Variants in KDM4D observed in about 807,000 individuals in gnomAD.
The protein encoded by KDM4D is lysine-specific demethylase 4D.
For synonymous variants in KDM4D, 254 were observed against 249.1 expected (o/e 1.02, Z -0.19); for missense variants, 427 against 674.8 (o/e 0.63, Z 4.07).
chr11:94,995,569 C>G (rs1369858983), intron 2 of KDM4D, among the ~76,000 whole-genome samples: 1 of 152,066 alleles, frequency 6.6e-6, no homozygotes, highest in Non-Finnish European at 1.5e-5. Context: ...AGGGGAGAAA[C>G]AGTTTGAAGT....
At chr11:94,975,932 T>C (rs1398010101) in intron 2 of KDM4D, among the ~76,000 whole-genome samples, 184 bp downstream of exon 2, 2 of 152,218 alleles carry the variant, frequency 1.3e-5, no homozygotes, top group Non-Finnish European at 2.9e-5. Flanking sequence ...ACCTAATCTT[T>C]TGGTTGCCAG....
chr11:94,997,957 C>T lies in KDM4D; in HGVS notation c.585C>T (p.Asp195=), dbSNP rs1555099455. 1.2e-6 allele frequency: 2 copies of T among 1,614,216 alleles called. No individual in the cohort carries two copies. The highest frequency in any genetic ancestry group is 1.7e-6 in the Non-Finnish European group (2 of 1,180,038). The change falls in exon 3 of 3, where the codon GAC becomes GAT. Residue 195 remains aspartate (D), a synonymous_variant. Transcript: ENST00000335080. ...CCACGTTTGCTTGGCATACAGAGGA[C>T]ATGGACCTTTACAGCATCAACTACC... ...WKTTFAWHTE[D]MDLYSINYLH...
chr11:94,989,128 A>C (rs1857912580), intron 2 of KDM4D, among the ~76,000 whole-genome samples: 1 of 152,220 alleles, frequency 6.6e-6, no homozygotes, highest in Non-Finnish European at 1.5e-5. Flanking sequence ...AGAATGAGAC[A>C]GTTATTAACT....
chr11:94,987,483 T>G (rs1480342109), intron 2 of KDM4D, among the ~76,000 whole-genome samples: 2 of 152,182 alleles, frequency 1.3e-5, no homozygotes, highest in Non-Finnish European at 2.9e-5. Context: ...GTAGAGTCTT[T>G]TCATTATAGT....
At chr11:94,976,434 G>A (rs1555096995) in intron 2 of KDM4D, among the ~76,000 whole-genome samples, 1 of 151,928 alleles carries the variant, frequency 6.6e-6, no homozygotes, top group Admixed American at 6.6e-5. Flanking sequence ...CAGATCTATC[G>A]AGCTGCCTTT....
chr11:94,986,652 T>C (rs977579206), intron 2 of KDM4D, among the ~76,000 whole-genome samples: 1 of 152,280 alleles, frequency 6.6e-6, no homozygotes, highest in Non-Finnish European at 1.5e-5. Context: ...CTAGAATTGC[T>C]GTAATGAAAA....
intron 2 of KDM4D, among the ~76,000 whole-genome samples, chr11:94,982,230 A>C (rs1555097652): frequency 2.0e-5 from 3 of 151,918 alleles, no homozygotes; most frequent in African/African-American, 4.8e-5. Flanking sequence ...GGCCACAGTT[A>C]TGGTTAATTT....
chr11:94,990,652 C>CCAGT (rs1857927286), intron 2 of KDM4D, among the ~76,000 whole-genome samples: 1 of 152,120 alleles, frequency 6.6e-6, no homozygotes, highest in Non-Finnish European at 1.5e-5. Context: ...CAGGTAGTGG[C>CCAGT]CAGTTTTGGA....
At chr11:94,981,465 C>T (rs1857842425) in intron 2 of KDM4D, among the ~76,000 whole-genome samples, 1 of 151,932 alleles carries the variant, frequency 6.6e-6, no homozygotes, top group African/African-American at 2.4e-5. Flanking sequence ...GTGTAGCCAT[C>T]TGGGCCTCGA....
intron 2 of KDM4D, among the ~76,000 whole-genome samples, chr11:94,989,950 G>A (rs1436375775): frequency 6.6e-6 from 1 of 151,776 alleles, no homozygotes; most frequent in African/African-American, 2.4e-5. Context: ...GTAGAGACAG[G>A]GTTTCACCAT....
chr11:94,991,376 A>AT (rs1857933248), intron 2 of KDM4D, among the ~76,000 whole-genome samples: 1 of 152,242 alleles, frequency 6.6e-6, no homozygotes, highest in Non-Finnish European at 1.5e-5. Flanking sequence ...AGAAAGAAAG[A>AT]TAAAAAGGAC....
chr11:94,985,209 C>T (rs1373845412), intron 2 of KDM4D, among the ~76,000 whole-genome samples: 1 of 152,062 alleles, frequency 6.6e-6, no homozygotes, highest in Admixed American at 6.6e-5. Flanking sequence ...TATAGAAAGT[C>T]CTAGGTAGCT....
At chr11:94,977,812 G>T (rs1857810383) in intron 2 of KDM4D, among the ~76,000 whole-genome samples, 1 of 151,988 alleles carries the variant, frequency 6.6e-6, no homozygotes, top group Non-Finnish European at 1.5e-5. Flanking sequence ...CAGTAATATA[G>T]GTCAAGCATT....
intron 2 of KDM4D, among the ~76,000 whole-genome samples, chr11:94,976,121 A>G (rs993740102): frequency 2.0e-5 from 3 of 152,198 alleles, no homozygotes; most frequent in Non-Finnish European, 2.9e-5. Context: ...AAATCTTGAA[A>G]TTCATCTGAT....
intron 2 of KDM4D, among the ~76,000 whole-genome samples, chr11:94,983,579 T>C (rs1393532991): frequency 2.0e-5 from 3 of 152,076 alleles, no homozygotes; most frequent in Non-Finnish European, 4.4e-5. Flanking sequence ...TTAAAGAACT[T>C]TTAAAAATCA....
chr11:94,994,146 CT>C (rs1857958143), intron 2 of KDM4D, among the ~76,000 whole-genome samples: 1 of 152,096 alleles, frequency 6.6e-6, no homozygotes, highest in Non-Finnish European at 1.5e-5. Context: ...TCATGGAAGA[CT>C]ATCATTGGAT....
In KDM4D at chr11:94,999,106, T is replaced by C. The variant is rs782341161; in HGVS notation, c.*162T>C. The C allele has an allele frequency of 1.2e-4, 69 of 586,828 alleles. No homozygotes were observed. Among genetic ancestry groups the C allele is most frequent in the Non-Finnish European group, 1.6e-4 (61 of 369,776 alleles). The allele number at this position is 586,828 out of a possible 1,614,324, so 36.4% of individuals were successfully genotyped here. Reference sequence around the variant, plus strand: ...TGGATGCTGCCAAGTCCATGGTAGTTTTCAATTTTGCCATACTTTTGTTCT... The same window carrying C: ...TGGATGCTGCCAAGTCCATGGTAGTCTTCAATTTTGCCATACTTTTGTTCT... On this transcript the variant is annotated 3_prime_UTR_variant, in exon 3 of 3. Transcript: ENST00000335080.
At position 94,997,134 on chromosome 11, in the gene KDM4D, C is replaced by CA; in HGVS notation, c.-238dup. 1 of 372,100 alleles carries CA rather than the reference C, an allele frequency of 2.7e-6. No individual in the cohort carries two copies. Among genetic ancestry groups the CA allele is most frequent in the Non-Finnish European group, 4.8e-6 (1 of 209,944 alleles). 23.0% of individuals were successfully genotyped at this position (372,100 alleles called of 1,614,324 possible). On this transcript the variant is annotated 5_prime_UTR_variant, in exon 3 of 3. Coordinates refer to ENST00000335080, the MANE Select transcript of KDM4D (RefSeq NM_018039.3). ...GAGCCCAGCAGCAACCGAAACATAA[C>CA]AGAGTTGCAGGATCAGCTAACGTCA...
chr11:94,973,767 G>C lies in KDM4D; in HGVS notation c.-746G>C, dbSNP rs1158903441. The C allele has an allele frequency of 6.6e-6, 1 of 152,460 alleles. No homozygotes were observed. Among genetic ancestry groups the C allele is most frequent in the East Asian group, 1.9e-4 (1 of 5,182 alleles). 9.4% of individuals were successfully genotyped at this position (152,460 alleles called of 1,614,324 possible). A position where few individuals can be genotyped will look rare whatever the true frequency, so the allele number is the denominator to read the frequency against. ...CCTAAACCTCATTTTATACCTTCAA[G>C]AACCAATTACTTAATGTCTCTTCCG... On this transcript the variant is annotated 5_prime_UTR_variant, in exon 1 of 3. Coordinates refer to ENST00000335080, the MANE Select transcript of KDM4D (RefSeq NM_018039.3).
Sources: allele counts gnomAD v4.1 joint callset (sites outside exome capture counted in the v4.1 genomes callset), GRCh38; gene constraint gnomAD v4.1.1; transcripts MANE v1.5; gene names NCBI Gene and HGNC (gene_info 2026-07-23, HGNC 2026-07-21).